The following GABBR2 variants were observed in gnomAD, a reference collection of about 807,000 sequenced individuals.
GABBR2 encodes gamma-aminobutyric acid type B receptor subunit 2, also known as G-protein coupled receptor 51.
Under a neutral mutation model 105.6 loss-of-function variants are expected in GABBR2, and 23 were observed. The ratio of observed to expected loss-of-function variants is 0.22; its 90% CI spans 0.16 to 0.31. GABBR2 has a LOEUF of 0.31. Among genes scored for constraint, GABBR2 ranks in the 10% least tolerant of loss-of-function variants. The probability of loss-of-function intolerance (pLI) is 1.00; values close to 1 mark genes in which losing one functional copy is unlikely to be tolerated. For missense variants in GABBR2, 734 were observed against 1,245.5 expected, an observed-to-expected ratio of 0.59 and a Z score of 6.18; for synonymous variants, 478 against 499.7, an observed-to-expected ratio of 0.96 and a Z score of 0.58.
At chr9:98,609,007 A>G (rs1482977676) in intron 1 of GABBR2, among the ~76,000 whole-genome samples, 1 of 152,216 alleles carries the variant, frequency 6.6e-6, no homozygotes, top group Non-Finnish European at 1.5e-5. Flanking sequence ...TCTTAATTTT[A>G]CTAGAAATGG....
At chr9:98,385,800 A>G in intron 10 of GABBR2, 28 bp from the exon 11 acceptor site, 1 of 1,587,238 alleles carries the variant, frequency 6.3e-7, no homozygotes, top group Non-Finnish European at 8.6e-7. Context: ...CAATAGATTT[A>G]ACAGAATGGT....
intron 1 of GABBR2, among the ~76,000 whole-genome samples, chr9:98,693,532 G>T (rs1224827567): frequency 6.6e-6 from 1 of 152,184 alleles, no homozygotes; most frequent in East Asian, 1.9e-4. Flanking sequence ...AACCCCAGAG[G>T]CTGGGAGTCA....
At chr9:98,537,212 TAGAA>T (rs1828198356) in intron 3 of GABBR2, among the ~76,000 whole-genome samples, 1 of 152,108 alleles carries the variant, frequency 6.6e-6, no homozygotes, top group African/African-American at 2.4e-5. Flanking sequence ...CACTCAGCAG[TAGAA>T]AGAAACAAAC....
intron 1 of GABBR2, among the ~76,000 whole-genome samples, chr9:98,647,011 A>G (rs1283376293): frequency 3.9e-5 from 6 of 152,228 alleles, no homozygotes; most frequent in Admixed American, 6.5e-5. Flanking sequence ...CTCAGAGGGC[A>G]GTACCAGGCA....
rs567930428 is a variant in GABBR2, at chr9:98,361,589, T to A, written c.1893+1126A>T. 4.4e-4 allele frequency among the ~76,000 whole-genome samples: 67 copies of A among 152,278 alleles called. 1 individual carries two copies. In the South Asian group the frequency reaches 8.3e-3, roughly 19 times the overall value. On this transcript the variant is annotated intron_variant, in intron 13 of 18. Transcript: ENST00000259455. ...TCTGTTGCCTACCTTGCAGGGTGAATGGTGACCAGATGTCCCCCCGTCCAA... is the reference window on the plus strand; with the variant it reads ...TCTGTTGCCTACCTTGCAGGGTGAAAGGTGACCAGATGTCCCCCCGTCCAA...
chr9:98,443,033 A>AG (rs1167814501), intron 7 of GABBR2, among the ~76,000 whole-genome samples: 2 of 152,206 alleles, frequency 1.3e-5, no homozygotes, highest in Admixed American at 1.3e-4. Flanking sequence ...TGGATTTTTT[A>AG]GGGGGGCACA....
intron 1 of GABBR2, among the ~76,000 whole-genome samples, chr9:98,636,945 T>C (rs1829886423): frequency 6.6e-6 from 1 of 152,136 alleles, no homozygotes; most frequent in African/African-American, 2.4e-5. Context: ...TCTGGTTTGG[T>C]GGGTCTATAG....
chr9:98,562,158 C>T (rs1018735462), intron 2 of GABBR2, among the ~76,000 whole-genome samples: 3 of 152,032 alleles, frequency 2.0e-5, no homozygotes, highest in African/African-American at 4.8e-5. Flanking sequence ...CCCCCTGACT[C>T]GATGCACTGG....
intron 3 of GABBR2, among the ~76,000 whole-genome samples, chr9:98,508,458 G>A: frequency 6.6e-6 from 1 of 152,230 alleles, no homozygotes; most frequent in East Asian, 1.9e-4. Flanking sequence ...GCCAAAGCAG[G>A]GCAAGGCATC....
At chr9:98,572,309 C>T (rs1458663484) in intron 2 of GABBR2, among the ~76,000 whole-genome samples, 1 of 152,228 alleles carries the variant, frequency 6.6e-6, no homozygotes, top group Non-Finnish European at 1.5e-5. Flanking sequence ...CCCGTTTCAG[C>T]ACCAGGGTGA....
At chr9:98,508,632 G>A (rs376359816) in intron 3 of GABBR2, among the ~76,000 whole-genome samples, 62 of 152,352 alleles carry the variant, frequency 4.1e-4, no homozygotes, top group African/African-American at 1.2e-3. Context: ...CGCATGGCTC[G>A]GAGGGTCCTA....
intron 6 of GABBR2, among the ~76,000 whole-genome samples, chr9:98,469,179 T>C (rs12339842): frequency 0.24 from 37,168 of 152,054 alleles, 4,966 homozygotes; most frequent in East Asian, 0.53. Context: ...AGAGGTTCAA[T>C]TGACTCACAG....
At chr9:98,411,590 A>T (rs1379457038) in intron 7 of GABBR2, among the ~76,000 whole-genome samples, 1 of 151,624 alleles carries the variant, frequency 6.6e-6, no homozygotes. Context: ...GAGACAGGGT[A>T]TTGCTCTGCT....
rs1410995264 is a variant in GABBR2 at position 98,547,595 on chromosome 9, T to C, written c.460-5552A>G. ...GAGCATCTTATTTTACTGTATTTTA[T>C]TACAAGGTATGTGCATATTAGCTTT... On this transcript the variant is annotated intron_variant, in intron 2 of 18. Coordinates refer to ENST00000259455, the MANE Select transcript of GABBR2 (RefSeq NM_005458.8). 1.7e-5 allele frequency among the ~76,000 whole-genome samples: 2 copies of C among 120,858 alleles called. 1 individual carries two copies. The highest frequency in any genetic ancestry group is 5.3e-5 in the African/African-American group (2 of 37,830). 79.3% of individuals were successfully genotyped at this position (120,858 alleles called of 152,430 possible).
chr9:98,500,524 AG>A (rs1827376730), intron 3 of GABBR2, among the ~76,000 whole-genome samples: 1 of 152,240 alleles, frequency 6.6e-6, no homozygotes, highest in Non-Finnish European at 1.5e-5. Context: ...GGCTCCCTAA[AG>A]GCCAGGGCCT....
intron 1 of GABBR2, among the ~76,000 whole-genome samples, chr9:98,615,623 C>A (rs1188062886): frequency 6.6e-6 from 1 of 152,246 alleles, no homozygotes. Flanking sequence ...AAGTTGCTCC[C>A]CACTTCCCTT....
At chr9:98,382,946 T>C (rs1390060974) in intron 11 of GABBR2, among the ~76,000 whole-genome samples, 2 of 151,380 alleles carry the variant, frequency 1.3e-5, no homozygotes, top group Non-Finnish European at 2.9e-5. Flanking sequence ...CCCTTGTTTT[T>C]TTCTTTTTTT....
chr9:98,565,262 C>T (rs1828736421), intron 2 of GABBR2, among the ~76,000 whole-genome samples: 1 of 115,010 alleles, frequency 8.7e-6, no homozygotes, highest in Admixed American at 7.9e-5. Context: ...CAAGGCTGCT[C>T]CTCTACTCTG....
At chr9:98,525,693 C>T (rs907380405) in intron 3 of GABBR2, among the ~76,000 whole-genome samples, 3 of 151,528 alleles carry the variant, frequency 2.0e-5, no homozygotes, top group Middle Eastern at 3.2e-3. Flanking sequence ...TGAAAACATA[C>T]ATCCCCACAA....
Sources: allele counts gnomAD v4.1 joint callset (sites outside exome capture counted in the v4.1 genomes callset), GRCh38; gene constraint gnomAD v4.1.1; transcripts MANE v1.5; gene names NCBI Gene and HGNC (gene_info 2026-07-23, HGNC 2026-07-21).